The following UBE3B variants were observed in gnomAD, a reference collection of about 807,000 sequenced individuals.
UBE3B encodes the protein ubiquitin protein ligase E3B.
In UBE3B, 80 loss-of-function variants were observed where a neutral mutation model predicts 132.3. The ratio of observed to expected loss-of-function variants is 0.60; its 90% CI spans 0.50 to 0.73. The LOEUF is 0.73. Ranked by LOEUF, UBE3B falls within the 30% of genes least tolerant of loss-of-function variation. The pLI, the probability that UBE3B is intolerant of heterozygous loss-of-function variation, is 0.00. For synonymous variants in UBE3B, 487 were observed against 520.4 expected (o/e 0.94, Z 0.87); for missense variants, 1,196 against 1,362.5 (o/e 0.88, Z 1.92).
downstream of UBE3B, among the ~76,000 whole-genome samples, chr12:109,540,346 C>T (rs1883585569): frequency 6.6e-6 from 1 of 152,094 alleles, no homozygotes; most frequent in South Asian, 2.1e-4. Context: ...TAGCTGGGAC[C>T]ACAAGTGTGC....
chr12:109,497,513 C>T (rs1244804354), intron 9 of UBE3B, among the ~76,000 whole-genome samples: 1 of 151,920 alleles, frequency 6.6e-6, no homozygotes, highest in Non-Finnish European at 1.5e-5. Flanking sequence ...ATCACAAACT[C>T]CTTCCTCTTC....
Position 109,485,879 on chromosome 12 carries a change from C to G in UBE3B, c.283-133C>G, listed in dbSNP as rs572557235. ...CAGTGTCCTCATCTGTAGGAAGGAA[C>G]TGCATGTGATTATGTGTGAATCACC... On this transcript the variant is annotated intron_variant, in intron 4 of 27. Coordinates refer to ENST00000342494, the MANE Select transcript of UBE3B (RefSeq NM_130466.4). 9.8e-6 allele frequency: 9 copies of G among 913,788 alleles called. 1 individual carries two copies. In the African/African-American group the frequency reaches 1.0e-4, roughly 10 times the overall value. The allele number at this position is 913,788 out of a possible 1,614,324, so 56.6% of individuals were successfully genotyped here.
the UBE3B span, among the ~76,000 whole-genome samples, chr12:109,545,877 C>T: frequency 6.6e-6 from 1 of 152,208 alleles, no homozygotes; most frequent in African/African-American, 2.4e-5. Context: ...AGCTGCCCCC[C>T]AGGCACAGAG....
At chr12:109,524,616 C>G in intron 23 of UBE3B, 113 bp downstream of exon 23, 1 of 1,171,990 alleles carries the variant, frequency 8.5e-7, no homozygotes, top group Non-Finnish European at 1.2e-6. Context: ...CTGTCTGGTC[C>G]CTTGTCCTCC....
At chr12:109,524,673 C>G (rs1283141117) in intron 23 of UBE3B, among the ~76,000 whole-genome samples, 170 bp downstream of exon 23, 3 of 152,142 alleles carry the variant, frequency 2.0e-5, no homozygotes, top group African/African-American at 7.2e-5. Context: ...GGGAGGGCCC[C>G]CTCCTTTCCT....
chr12:109,494,283 A>G (rs906821427), intron 9 of UBE3B, among the ~76,000 whole-genome samples: 11 of 152,206 alleles, frequency 7.2e-5, no homozygotes, highest in Admixed American at 1.3e-4. Flanking sequence ...CTTGCCTCAC[A>G]TGTTGGACAC....
intron 13 of UBE3B, among the ~76,000 whole-genome samples, chr12:109,502,167 G>A (rs1400919936): frequency 6.6e-6 from 1 of 152,198 alleles, no homozygotes; most frequent in Non-Finnish European, 1.5e-5. Flanking sequence ...GTTTGGCTGT[G>A]AACCAACATG....
chr12:109,531,935 T>A (rs1311208503), intron 26 of UBE3B, among the ~76,000 whole-genome samples: 1 of 152,032 alleles, frequency 6.6e-6, no homozygotes, highest in Non-Finnish European at 1.5e-5. Context: ...TACAGTTCCT[T>A]ACCATGTGCC....
intron 21 of UBE3B, among the ~76,000 whole-genome samples, chr12:109,523,674 G>C (rs1378104041): frequency 6.8e-6 from 1 of 147,372 alleles, no homozygotes; most frequent in African/African-American, 2.5e-5. Flanking sequence ...TGAGAGGCTG[G>C]TGCTGCCCCC....
At chr12:109,514,993 A>T (rs1363007081) in intron 18 of UBE3B, among the ~76,000 whole-genome samples, 3 of 151,396 alleles carry the variant, frequency 2.0e-5, no homozygotes, top group African/African-American at 7.3e-5. Context: ...AGCTCACTGC[A>T]AGCTCCACCT....
At chr12:109,482,005 A>G (rs541509610) in intron 2 of UBE3B, among the ~76,000 whole-genome samples, 48 of 152,248 alleles carry the variant, frequency 3.2e-4, no homozygotes, top group Non-Finnish European at 5.7e-4. Flanking sequence ...AGGTCCCTTG[A>G]TATGTTCATG....
At chr12:109,544,925 C>T in the UBE3B span, among the ~76,000 whole-genome samples, 1 of 152,368 alleles carries the variant, frequency 6.6e-6, no homozygotes, top group Admixed American at 6.5e-5. Context: ...TTCCTCCTGC[C>T]TGTGAAGGGG....
At chr12:109,483,410 T>C (rs1224843252) in intron 2 of UBE3B, 121 bp from the exon 3 acceptor site, 2 of 1,017,370 alleles carry the variant, frequency 2.0e-6, no homozygotes, top group African/African-American at 3.3e-5. Flanking sequence ...TTGGAGGGTG[T>C]TGACAGGTCC....
intron 18 of UBE3B, among the ~76,000 whole-genome samples, chr12:109,515,366 TG>T (rs199869687): frequency 0.052 from 7,763 of 149,484 alleles, 235 homozygotes; most frequent in Non-Finnish European, 0.068. Flanking sequence ...ACTGTTTTTT[TG>T]TTGTTGTTGT....
intron 21 of UBE3B, among the ~76,000 whole-genome samples, chr12:109,523,015 A>G (rs1362413311): frequency 6.6e-6 from 1 of 152,154 alleles, no homozygotes; most frequent in African/African-American, 2.4e-5. Context: ...ATGTCATGCC[A>G]TTTCCCAGGC....
intron 18 of UBE3B, among the ~76,000 whole-genome samples, chr12:109,512,204 T>C (rs979798018): frequency 2.6e-5 from 4 of 151,826 alleles, no homozygotes; most frequent in Non-Finnish European, 4.4e-5. Flanking sequence ...CTGGGTGAGG[T>C]AGTCAGGGAA....
intron 17 of UBE3B, 87 bp downstream of exon 17, chr12:109,510,545 G>T: frequency 9.2e-7 from 1 of 1,090,196 alleles, no homozygotes; most frequent in Non-Finnish European, 1.3e-6. Context: ...TTCTAGGGCA[G>T]AGAGGACTTT....
Position 109,534,323 on chromosome 12 carries a change from G to T in UBE3B, c.3016-268G>T, listed in dbSNP as rs775891742. The T allele has an allele frequency of 7.1e-6, 10 of 1,400,712 alleles. No homozygotes were observed. Among genetic ancestry groups the T allele is most frequent in the Non-Finnish European group, 8.3e-6 (9 of 1,081,896 alleles). 86.8% of individuals were successfully genotyped at this position (1,400,712 alleles called of 1,614,324 possible). A position where few individuals can be genotyped will look rare whatever the true frequency, so the allele number is the denominator to read the frequency against. ...TTGTCAATTGGTTAACCAGTAATTC[G>T]CTGTGAACCGGAAGGCCCCATTTCC... On this transcript the variant is annotated intron_variant, in intron 27 of 27. Coordinates refer to ENST00000342494, the MANE Select transcript of UBE3B (RefSeq NM_130466.4). The surrounding 1 kb of genome is among the most constrained non-coding windows in gnomAD (Gnocchi z 5.2).
At chr12:109,507,420 T>C in intron 14 of UBE3B, 144 bp from the exon 15 acceptor site, 1 of 877,942 alleles carries the variant, frequency 1.1e-6, no homozygotes, top group Non-Finnish European at 1.7e-6. Flanking sequence ...GTGATAATGC[T>C]TTTCTCCATA....
Sources: gnomAD v4.1 joint callset for allele counts (sites outside exome capture counted in the v4.1 genomes callset) on GRCh38, gnomAD v4.1.1 for gene constraint, Gnocchi (gnomAD v3.1) non-coding constraint, MANE v1.5 for transcripts, NCBI Gene and HGNC (gene_info 2026-07-23, HGNC 2026-07-21) for gene names.